FBXL18: variants seen among roughly 807,000 people sequenced by gnomAD.
FBXL18 encodes F-box/LRR-repeat protein 18.
Under a neutral mutation model 46.0 loss-of-function variants are expected in FBXL18, and 36 were observed. The observed-to-expected ratio is 0.78, with a 90% CI of 0.60 to 1.03. FBXL18 has a LOEUF of 1.03. Among genes scored for constraint, FBXL18 ranks in the 50% least tolerant of loss-of-function variants. The pLI is 0.00. For missense variants in FBXL18, 977 were observed against 1,004.1 expected (o/e 0.97, Z 0.36); for synonymous variants, 557 against 465.3 (o/e 1.20, Z -2.54).
chr7:5,482,022 C>G (rs1253740723), intron 4 of FBXL18, 91 bp from the exon 5 acceptor site: 2 of 1,456,960 alleles, frequency 1.4e-6, no homozygotes, highest in Non-Finnish European at 1.8e-6. Flanking sequence ...CTCACACCTG[C>G]CTCCCCGTCC....
chr7:5,486,102 A>G (rs1287703110), intron 4 of FBXL18, among the ~76,000 whole-genome samples: 1 of 137,074 alleles, frequency 7.3e-6, no homozygotes, highest in Non-Finnish European at 1.5e-5. Context: ...AATAAATAAA[A>G]ATTTAGCTGG....
At position 5,481,852 on chromosome 7, in the gene FBXL18, C is replaced by T. The variant is rs916272176; in HGVS notation, c.2080G>A (p.Val694Ile). The T allele has an allele frequency of 3.1e-6, 5 of 1,613,752 alleles. No individual in the cohort carries two copies. In the African/African-American group the frequency reaches 4.0e-5, roughly 13 times the overall value. Residue 694 changes from valine (V) to isoleucine (I), a missense_variant, in exon 5 of 5, where the codon GTC (valine) becomes ATC (isoleucine). By Grantham distance (29) the Val-to-Ile change is conservative (BLOSUM62 3). Coordinates refer to ENST00000382368, the MANE Select transcript of FBXL18 (RefSeq NM_024963.6). ...HEGLTDVIRD[V>I]PLVHLDEITL... is the part of the protein sequence containing the mutation. ...ATCTCATCCAGGTGCACCAGGGGGA[C>T]GTCCCGGATGACGTCGGTCAGGCCC...
chr7:5,482,320 G>A (rs1399424579), intron 4 of FBXL18, among the ~76,000 whole-genome samples: 11 of 152,206 alleles, frequency 7.2e-5, no homozygotes, highest in Admixed American at 7.2e-4. Flanking sequence ...AAGCCCCACG[G>A]CCAGGACAGA....
rs1784216151 is a variant in FBXL18, at chr7:5,500,721, T to G, written c.1548A>C (p.Ala516=). Residue 516 remains alanine, a synonymous_variant, in exon 3 of 5, where the codon GCA becomes GCC. Transcript: ENST00000382368. ...IRNSLPPCSR[A]QSVGDSEVAA... is the part of the protein sequence containing the mutation. ...CCACCTCCGAGTCCCCGACACTCTG[T>G]GCGCGGCTGCAGGGTGGGAGCGAGT... is the stretch of plus-strand genomic sequence containing the variant. 2 of 1,612,022 alleles carry G rather than the reference T, an allele frequency of 1.2e-6. No homozygotes were observed. The highest frequency in any genetic ancestry group is 1.3e-5 in the African/African-American group (1 of 75,016).
chr7:5,471,718 CA>C, downstream of FBXL18, among the ~76,000 whole-genome samples: 1 of 152,306 alleles, frequency 6.6e-6, no homozygotes, highest in Middle Eastern at 3.4e-3. Flanking sequence ...GGACAAAGGC[CA>C]GGCGGCTTCA....
chr7:5,507,002 C>G (rs923115621), intron 1 of FBXL18, among the ~76,000 whole-genome samples: 1 of 152,130 alleles, frequency 6.6e-6, no homozygotes, highest in Admixed American at 6.6e-5. Context: ...GTCCCCAGAT[C>G]GGGGACAAAG....
At chr7:5,467,438 C>T (rs1783359630) in intron 4 of FBXL18, among the ~76,000 whole-genome samples, 2 of 151,164 alleles carry the variant, frequency 1.3e-5, no homozygotes, top group African/African-American at 4.9e-5. Flanking sequence ...CCCAGTGACT[C>T]GGGAGGCTGA....
chr7:5,498,328 C>T (rs1784139467), intron 3 of FBXL18, among the ~76,000 whole-genome samples: 1 of 152,170 alleles, frequency 6.6e-6, no homozygotes. Flanking sequence ...CCTTATGATC[C>T]ACCCGCCTCG....
In FBXL18 at chr7:5,501,488, T is replaced by C. The variant is rs1784254667; in HGVS notation, c.781A>G (p.Asn261Asp). ...ACGGAGATGAGGAAGGCGTGGAGGT[T>C]CTGAGGAGTGCGGTCGCTAAGCACA... ...LAVLSDRTPQ[N>D]LHAFLISVPG... Residue 261 changes from asparagine (N) to aspartate (D), a missense_variant, in exon 3 of 5, where the codon AAC becomes GAC. Asn to Asp is a conservative substitution (Grantham distance 23). Transcript: ENST00000382368. The C allele has an allele frequency of 6.2e-7, 1 of 1,613,656 alleles. No homozygotes were observed. Among genetic ancestry groups the C allele is most frequent in the Non-Finnish European group, 8.5e-7 (1 of 1,179,986 alleles).
At chr7:5,510,891 T>C (rs1235076590) in intron 1 of FBXL18, among the ~76,000 whole-genome samples, 1 of 152,126 alleles carries the variant, frequency 6.6e-6, no homozygotes, top group Non-Finnish European at 1.5e-5. Flanking sequence ...TGGCAGGCCC[T>C]GGAATGTGCT....
intron 2 of FBXL18, among the ~76,000 whole-genome samples, chr7:5,503,434 C>G (rs899471984): frequency 2.0e-5 from 3 of 152,118 alleles, no homozygotes; most frequent in African/African-American, 4.8e-5. Flanking sequence ...CTTACTGCAG[C>G]CTTGATGTCC....
In FBXL18 at chr7:5,480,527, AATATATATATAT is replaced by A. The variant is rs770993214; in HGVS notation, c.*1236_*1247del. The A allele has an allele frequency of 1.5e-5, 1 of 68,100 alleles. No homozygotes were observed. The highest frequency in any genetic ancestry group is 6.5e-5 in the African/African-American group (1 of 15,476). 4.2% of individuals were successfully genotyped at this position (68,100 alleles called of 1,614,324 possible). ...CAAGTGATCCTCCCAAAGTGTGTTG[AATATATATATAT>A]ATATATATATTTTTTTTTTTTTTTT... On this transcript the variant is annotated 3_prime_UTR_variant, in exon 5 of 5. Transcript: ENST00000382368.
rs555249435 is a variant in FBXL18 at position 5,490,126 on chromosome 7, C to T, written c.2000+1105G>A. ...AGAGTCTGGCAAGCAGGGTTGTCGG[C>T]GCCCAGTGGCTCGAGACGTCCTGGC... is the stretch of plus-strand genomic sequence containing the variant. On this transcript the variant is annotated intron_variant, in intron 4 of 4. Coordinates refer to ENST00000382368, the MANE Select transcript of FBXL18 (RefSeq NM_024963.6). The T allele has an allele frequency of 9.0e-5, 122 of 1,361,208 alleles. No homozygotes were observed. The Admixed American group carries it at 1.4e-3, about 16-fold the overall frequency. 84.3% of individuals were successfully genotyped at this position (1,361,208 alleles called of 1,614,324 possible).
At chr7:5,471,657 T>G (rs775645704), downstream of FBXL18, among the ~76,000 whole-genome samples, 57 of 151,962 alleles carry the variant, frequency 3.8e-4, no homozygotes, top group African/African-American at 1.3e-3. Context: ...TGATCTGCCC[T>G]CCTCGGCCTC....
chr7:5,486,222 G>T (rs550918422), intron 4 of FBXL18, among the ~76,000 whole-genome samples: 1 of 146,872 alleles, frequency 6.8e-6, no homozygotes, highest in South Asian at 2.2e-4. Flanking sequence ...TTGCACTCCA[G>T]CCTGGGCAAA....
intron 4 of FBXL18, among the ~76,000 whole-genome samples, chr7:5,459,716 G>A (rs1349227719): frequency 6.6e-5 from 10 of 150,800 alleles, no homozygotes; most frequent in African/African-American, 1.7e-4. Context: ...CTCCAGCCTG[G>A]GCAACAGAGT....
chr7:5,504,742 C>T (rs1204876070), intron 2 of FBXL18, among the ~76,000 whole-genome samples: 2 of 148,842 alleles, frequency 1.3e-5, no homozygotes, highest in African/African-American at 2.4e-5. Flanking sequence ...AGTGAAACCC[C>T]GTCTCTACTA....
intron 3 of FBXL18, among the ~76,000 whole-genome samples, chr7:5,498,700 A>G (rs902751380): frequency 7.2e-5 from 11 of 152,168 alleles, no homozygotes; most frequent in Non-Finnish European, 1.6e-4. Context: ...CCTCCTGAGT[A>G]GCTGGGACTA....
At position 5,480,123 on chromosome 7, in the gene FBXL18, A is replaced by T. The variant is rs1783602945; in HGVS notation, c.*1652T>A. 6.6e-6 allele frequency among the ~76,000 whole-genome samples: 1 copy of T among 152,200 alleles called. No individual in the cohort carries two copies. The highest frequency in any genetic ancestry group is 6.5e-5 in the Admixed American group (1 of 15,280). On this transcript the variant is annotated 3_prime_UTR_variant, in exon 5 of 5. Transcript: ENST00000382368. ...ACTCAGGGGCAGGGCCGGTGATTGG[A>T]GGCCTGGGGATGGTGTACCCCATTT...
Sources: gnomAD v4.1 joint callset for allele counts (sites outside exome capture counted in the v4.1 genomes callset) on GRCh38, gnomAD v4.1.1 for gene constraint, MANE v1.5 for transcripts, NCBI Gene and HGNC (gene_info 2026-07-23, HGNC 2026-07-21) for gene names.